Variants in MAGI2 observed in about 807,000 individuals in gnomAD.
The protein encoded by MAGI2 is membrane associated guanylate kinase, WW and PDZ domain containing 2, also known as membrane-associated guanylate kinase, WW and PDZ domain-containing protein 2.
In MAGI2, 35 loss-of-function variants were observed where a neutral mutation model predicts 133.3. The observed-to-expected ratio is 0.26, with a 90% confidence interval of 0.20 to 0.35. MAGI2 has a LOEUF of 0.35. Among genes scored for constraint, MAGI2 ranks in the 10% least tolerant of loss-of-function variants. The pLI is 1.00. For synonymous variants in MAGI2, 729 were observed against 710.6 expected (o/e 1.03, Z -0.41); for missense variants, 1,636 against 1,863.4 (o/e 0.88, Z 2.25).
chr7:79,059,496 G>A (rs1021620247), intron 1 of MAGI2, among the ~76,000 whole-genome samples: 5 of 152,070 alleles, frequency 3.3e-5, no homozygotes, highest in Non-Finnish European at 5.9e-5. Context: ...GTAACATTCA[G>A]TTTAATTGCT....
At chr7:79,175,008 T>C (rs180721763) in intron 1 of MAGI2, among the ~76,000 whole-genome samples, 3 of 151,992 alleles carry the variant, frequency 2.0e-5, no homozygotes, top group Admixed American at 2.0e-4. Context: ...TTTAGTTTCG[T>C]CCAAAGAAGT....
At chr7:78,917,588 G>A (rs1292748338) in intron 2 of MAGI2, among the ~76,000 whole-genome samples, 1 of 152,012 alleles carries the variant, frequency 6.6e-6, no homozygotes, top group African/African-American at 2.4e-5. Flanking sequence ...CCAACTGAGT[G>A]TCCAATAATT....
chr7:78,262,632 C>T (rs558081604), intron 9 of MAGI2, among the ~76,000 whole-genome samples: 3 of 152,216 alleles, frequency 2.0e-5, no homozygotes, highest in East Asian at 1.9e-4. Flanking sequence ...ATCAACACTT[C>T]CTAGGTCTTA....
intron 2 of MAGI2, among the ~76,000 whole-genome samples, chr7:78,893,204 G>A (rs1422703755): frequency 1.3e-5 from 2 of 152,004 alleles, no homozygotes; most frequent in Non-Finnish European, 2.9e-5. Context: ...CAGTTAGAAT[G>A]GCAATCATTA....
intron 2 of MAGI2, among the ~76,000 whole-genome samples, chr7:78,766,557 TCTTA>T (rs1563477244): frequency 6.6e-6 from 1 of 152,288 alleles, no homozygotes; most frequent in South Asian, 2.1e-4. Context: ...GCAATGAGCC[TCTTA>T]CTTGACAGTA....
chr7:79,032,164 C>A (rs538271147), intron 1 of MAGI2, among the ~76,000 whole-genome samples: 2 of 152,230 alleles, frequency 1.3e-5, no homozygotes, highest in African/African-American at 4.8e-5. Context: ...AAATTTTATA[C>A]TTCAAAGCAG....
chr7:79,317,463 C>A (rs1838826738), intron 1 of MAGI2, among the ~76,000 whole-genome samples: 1 of 152,140 alleles, frequency 6.6e-6, no homozygotes, highest in South Asian at 2.1e-4. Context: ...GCCAAAGGTG[C>A]ATTTCGTAAA....
intron 6 of MAGI2, among the ~76,000 whole-genome samples, chr7:78,447,624 G>A (rs1178348413): frequency 1.3e-5 from 2 of 152,074 alleles, no homozygotes; most frequent in African/African-American, 4.8e-5. Flanking sequence ...AAGTTGACTA[G>A]CTCACCTGGG....
chr7:78,744,319 C>T (rs866892556), intron 2 of MAGI2, among the ~76,000 whole-genome samples: 11 of 151,988 alleles, frequency 7.2e-5, no homozygotes, highest in Admixed American at 1.3e-4. Context: ...GTTTTCATCC[C>T]ATTTGAATTT....
chr7:78,257,041 T>C (rs1396445325), intron 9 of MAGI2, among the ~76,000 whole-genome samples: 1 of 152,216 alleles, frequency 6.6e-6, no homozygotes, highest in Admixed American at 6.5e-5. Context: ...AATTGCCTTT[T>C]TTCTTTTTTA....
At chr7:78,159,155 G>A (rs752442578) in intron 16 of MAGI2, among the ~76,000 whole-genome samples, 1 of 152,090 alleles carries the variant, frequency 6.6e-6, no homozygotes, top group Non-Finnish European at 1.5e-5. Flanking sequence ...CTGTCTCCCC[G>A]CACAGCCGGC....
intron 6 of MAGI2, among the ~76,000 whole-genome samples, chr7:78,372,876 A>G (rs548506359): frequency 6.6e-6 from 1 of 152,300 alleles, no homozygotes; most frequent in Admixed American, 6.5e-5. Context: ...ATTACAGAAA[A>G]CAGAGACCCC....
chr7:79,126,886 G>A (rs1820457126), intron 1 of MAGI2, among the ~76,000 whole-genome samples: 1 of 151,830 alleles, frequency 6.6e-6, no homozygotes, highest in South Asian at 2.1e-4. Flanking sequence ...TGCCATGTTG[G>A]TGTGCTGCAC....
chr7:78,386,658 G>A (rs1339646134), intron 6 of MAGI2, among the ~76,000 whole-genome samples: 2 of 152,144 alleles, frequency 1.3e-5, no homozygotes, highest in African/African-American at 4.8e-5. Flanking sequence ...CCCAAGTGGA[G>A]CTGTGATTTG....
At position 78,841,148 on chromosome 7, in the gene MAGI2, A is replaced by G. The variant is rs575825841; in HGVS notation, c.418+165942T>C. ...ATAAGTAACCTTTGAAAAATTACCTACACTCACTGTCTCTAGTTCCACATT... is the reference window on the plus strand; with the variant it reads ...ATAAGTAACCTTTGAAAAATTACCTGCACTCACTGTCTCTAGTTCCACATT... On this transcript the variant is annotated intron_variant, in intron 2 of 21. Transcript: ENST00000354212. Among the ~76,000 whole-genome samples the G allele has an allele frequency of 1.8e-4, 27 of 148,964 alleles. 1 individual carries two copies. In the South Asian group the frequency reaches 5.6e-3, roughly 31 times the overall value.
In MAGI2 at chr7:79,243,161, A is replaced by G. The variant is rs561368108; in HGVS notation, c.301+209859T>C. Among the ~76,000 whole-genome samples, 150 of 152,310 alleles carry G rather than the reference A, an allele frequency of 9.8e-4. 1 individual carries two copies. Among genetic ancestry groups the G allele is most frequent in the Non-Finnish European group, 1.6e-3 (111 of 68,034 alleles). On this transcript the variant is annotated intron_variant, in intron 1 of 21. Coordinates refer to ENST00000354212, the MANE Select transcript of MAGI2 (RefSeq NM_012301.4). ...AAAAAAAGAAAAGACAAATAAAAAA[A>G]TGATAAAATATTACAGTGTTCTGAA...
chr7:78,491,907 G>A (rs1393742551), intron 5 of MAGI2, among the ~76,000 whole-genome samples: 4 of 144,940 alleles, frequency 2.8e-5, no homozygotes, highest in East Asian at 2.1e-4. Context: ...GTGTGTGTGT[G>A]TGTGTGTGTG....
intron 2 of MAGI2, among the ~76,000 whole-genome samples, chr7:78,736,191 T>C (rs1170387388): frequency 6.6e-6 from 1 of 152,210 alleles, no homozygotes; most frequent in Non-Finnish European, 1.5e-5. Context: ...GTACTCTAAA[T>C]ACACTTCCTG....
chr7:78,132,835 TC>T, intron 18 of MAGI2, 53 bp downstream of exon 18: 3 of 1,613,450 alleles, frequency 1.9e-6, no homozygotes, highest in Non-Finnish European at 2.5e-6. Context: ...AAATACTCCC[TC>T]CTTTCCCCAC....
Sources: allele counts gnomAD v4.1 joint callset (sites outside exome capture counted in the v4.1 genomes callset), GRCh38; gene constraint gnomAD v4.1.1; transcripts MANE v1.5; gene names NCBI Gene and HGNC (gene_info 2026-07-23, HGNC 2026-07-21).